Variants in NEK11 observed in about 807,000 individuals in gnomAD.
NEK11 encodes serine/threonine-protein kinase Nek11.
In NEK11, 72 loss-of-function variants were observed where a neutral mutation model predicts 80.7. The observed-to-expected ratio is 0.89, with a 90% CI of 0.74 to 1.08. NEK11 has a LOEUF of 1.08. NEK11 is among the 50% of genes least tolerant of loss of function. The probability of loss-of-function intolerance (pLI) is 0.00; values close to 1 mark genes in which losing one functional copy is unlikely to be tolerated. For synonymous variants in NEK11, 251 were observed against 260.7 expected, an observed-to-expected ratio of 0.96 and a Z score of 0.36; for missense variants, 764 against 763.6, an observed-to-expected ratio of 1.00 and a Z score of -0.01.
intron 3 of NEK11, among the ~76,000 whole-genome samples, chr3:131,063,169 C>T (rs976395378): frequency 6.6e-6 from 1 of 152,100 alleles, no homozygotes; most frequent in South Asian, 2.1e-4. Flanking sequence ...GGACTACAGC[C>T]ACATGCCACC....
chr3:131,167,939 C>T (rs529957477), intron 12 of NEK11, among the ~76,000 whole-genome samples: 1 of 152,340 alleles, frequency 6.6e-6, no homozygotes, highest in African/African-American at 2.4e-5. Context: ...CCTGAGCTTT[C>T]CAGAAGCATG....
In NEK11 at chr3:131,345,066, G is replaced by C. The variant is rs540403559; in HGVS notation, c.1719-4491G>C. 2.6e-3 allele frequency among the ~76,000 whole-genome samples: 401 copies of C among 151,876 alleles called. 1 individual carries two copies. Among genetic ancestry groups the C allele is most frequent in the Middle Eastern group, 0.01 (3 of 292 alleles). On this transcript the variant is annotated intron_variant, in intron 17 of 17. Coordinates refer to ENST00000383366, the MANE Select transcript of NEK11 (RefSeq NM_024800.5). ...ATTTGCATCTTTTCTTTTTTTCATA[G>C]TCTAGCTAGGGCTTTGTCAATTGTG...
At chr3:131,323,056 T>A (rs531667856) in intron 17 of NEK11, among the ~76,000 whole-genome samples, 65 of 152,300 alleles carry the variant, frequency 4.3e-4, no homozygotes, top group African/African-American at 1.5e-3. Context: ...GTTATTCTCA[T>A]CTCATTCCAT....
intron 14 of NEK11, among the ~76,000 whole-genome samples, chr3:131,177,594 C>CAGG (rs1353854069): frequency 6.6e-6 from 1 of 152,128 alleles, no homozygotes; most frequent in African/African-American, 2.4e-5. Flanking sequence ...TGTCTCCTAC[C>CAGG]AGGACTCTTT....
chr3:131,221,605 T>C (rs927558421), intron 14 of NEK11, among the ~76,000 whole-genome samples: 1 of 152,154 alleles, frequency 6.6e-6, no homozygotes, highest in African/African-American at 2.4e-5. Flanking sequence ...GGAACTAAGT[T>C]CCTTTAGAGG....
At chr3:131,217,088 C>T (rs1178667693) in intron 14 of NEK11, among the ~76,000 whole-genome samples, 1 of 152,166 alleles carries the variant, frequency 6.6e-6, no homozygotes, top group Non-Finnish European at 1.5e-5. Context: ...AACTAGGACA[C>T]CGTGAACACA....
chr3:131,327,386 G>GGGAGTT (rs1450555163), intron 17 of NEK11: 5 of 152,254 alleles, frequency 3.3e-5, no homozygotes, highest in African/African-American at 1.2e-4. Context: ...TCCTCTCAAT[G>GGGAGTT]GGAGTTGGAG....
At chr3:131,027,139 C>G (rs1041749980) in intron 1 of NEK11, 133 bp downstream of exon 1, 2 of 152,286 alleles carry the variant, frequency 1.3e-5, no homozygotes, top group African/African-American at 2.4e-5. Flanking sequence ...TCCTGGACAT[C>G]TTACCTCCGG....
intron 14 of NEK11, among the ~76,000 whole-genome samples, chr3:131,190,580 AC>A (rs960676347): frequency 6.6e-6 from 1 of 152,124 alleles, no homozygotes; most frequent in African/African-American, 2.4e-5. Context: ...TGAGGCCCTC[AC>A]CAGAAGTGGA....
chr3:131,029,238 G>A (rs1279650723), intron 2 of NEK11, among the ~76,000 whole-genome samples: 1 of 152,204 alleles, frequency 6.6e-6, no homozygotes, highest in Admixed American at 6.5e-5. Context: ...TTACAAAAAG[G>A]TTGATGCAGA....
At position 131,032,204 on chromosome 3, in the gene NEK11, C is replaced by T. The variant is rs189543558; in HGVS notation, c.170+2326C>T. ...CTTGAACTCCTGACCTCAGGTGATC[C>T]TCTTGCCTTGGCCTCCCAAAGTGCT... On this transcript the variant is annotated intron_variant, in intron 3 of 17. Coordinates refer to ENST00000383366, the MANE Select transcript of NEK11 (RefSeq NM_024800.5). Among the ~76,000 whole-genome samples the T allele has an allele frequency of 9.1e-4, 139 of 152,288 alleles. 1 individual carries two copies. The highest frequency in any genetic ancestry group is 2.5e-3 in the Admixed American group (39 of 15,300).
At chr3:131,195,470 C>T (rs1235774024) in intron 14 of NEK11, among the ~76,000 whole-genome samples, 1 of 152,168 alleles carries the variant, frequency 6.6e-6, no homozygotes, top group African/African-American at 2.4e-5. Flanking sequence ...ACATCATATG[C>T]CCTCACCATG....
intron 3 of NEK11, among the ~76,000 whole-genome samples, chr3:131,055,631 G>A (rs2069323498): frequency 6.6e-6 from 1 of 152,128 alleles, no homozygotes; most frequent in African/African-American, 2.4e-5. Context: ...TGGGGAGGCT[G>A]AGGTGAAAGG....
At chr3:131,332,281 C>T (rs1310615620) in intron 17 of NEK11, among the ~76,000 whole-genome samples, 8 of 152,204 alleles carry the variant, frequency 5.3e-5, no homozygotes, top group East Asian at 1.9e-4. Flanking sequence ...TCCAGAGGAA[C>T]GATCAGACAG....
chr3:131,206,306 T>C (rs2094438847), intron 14 of NEK11, among the ~76,000 whole-genome samples: 1 of 152,214 alleles, frequency 6.6e-6, no homozygotes, highest in Non-Finnish European at 1.5e-5. Flanking sequence ...TACTTAGAGA[T>C]AAAGAGCTTT....
At chr3:131,037,271 T>C (rs914138810) in intron 3 of NEK11, among the ~76,000 whole-genome samples, 3 of 145,980 alleles carry the variant, frequency 2.1e-5, no homozygotes, top group Admixed American at 7.1e-5. Context: ...AGTAATTAGA[T>C]AAAAAGAACT....
chr3:131,277,076 G>T (rs1430148421), intron 17 of NEK11, among the ~76,000 whole-genome samples: 1 of 152,130 alleles, frequency 6.6e-6, no homozygotes, highest in Non-Finnish European at 1.5e-5. Flanking sequence ...TACACTTTTG[G>T]TGGTAGCCTA....
intron 14 of NEK11, among the ~76,000 whole-genome samples, chr3:131,181,570 C>A (rs1004048898): frequency 1.3e-5 from 2 of 151,882 alleles, no homozygotes; most frequent in South Asian, 2.1e-4. Context: ...CACGATGAAA[C>A]CCCATCTCTA....
At chr3:131,322,986 T>G (rs1488130156) in intron 17 of NEK11, among the ~76,000 whole-genome samples, 18 of 152,214 alleles carry the variant, frequency 1.2e-4, no homozygotes. Flanking sequence ...CCCTCTCCCC[T>G]GCATCACATC....
Sources: gnomAD v4.1 joint callset for allele counts (sites outside exome capture counted in the v4.1 genomes callset) on GRCh38, gnomAD v4.1.1 for gene constraint, MANE v1.5 for transcripts, NCBI Gene and HGNC (gene_info 2026-07-23, HGNC 2026-07-21) for gene names.